LARGE1: variants seen among roughly 807,000 people sequenced by gnomAD.
LARGE1 encodes the protein xylosyl- and glucuronyltransferase LARGE1.
In LARGE1, 43 loss-of-function variants were observed where a neutral mutation model predicts 87.6. The ratio of observed to expected loss-of-function variants is 0.49; its 90% CI spans 0.38 to 0.63. The LOEUF (loss-of-function observed/expected upper bound fraction) is 0.63, where lower values mean the gene tolerates loss of function less well. Among genes scored for constraint, LARGE1 ranks in the 30% least tolerant of loss-of-function variants. The pLI is 0.00. For synonymous variants in LARGE1, 434 were observed against 394.6 expected (o/e 1.10, Z -1.18); for missense variants, 802 against 1,000.2 (o/e 0.80, Z 2.67).
At chr22:33,279,775 C>G (rs943901947) in intron 13 of LARGE1, among the ~76,000 whole-genome samples, 1 of 152,216 alleles carries the variant, frequency 6.6e-6, no homozygotes, top group African/African-American at 2.4e-5. Context: ...GAAGCAGTTG[C>G]TTTTCCATTT....
chr22:33,875,978 T>C (rs1002694005), intron 1 of LARGE1, among the ~76,000 whole-genome samples: 5 of 152,176 alleles, frequency 3.3e-5, no homozygotes, highest in Non-Finnish European at 7.3e-5. Context: ...CACTCCCAGA[T>C]AGGATTCAGT....
At chr22:33,816,406 G>C (rs937972717) in intron 1 of LARGE1, among the ~76,000 whole-genome samples, 4 of 152,306 alleles carry the variant, frequency 2.6e-5, no homozygotes, top group African/African-American at 9.6e-5. Context: ...TCTGGTGAGA[G>C]TCTGCTTTCT....
At chr22:33,360,461 C>T (rs1487150225) in intron 9 of LARGE1, among the ~76,000 whole-genome samples, 1 of 149,570 alleles carries the variant, frequency 6.7e-6, no homozygotes, top group African/African-American at 2.5e-5. Context: ...AGGGGCATGG[C>T]AGAAACTTAC....
intron 1 of LARGE1, among the ~76,000 whole-genome samples, chr22:33,857,142 C>T (rs1319380462): frequency 1.3e-5 from 2 of 152,188 alleles, no homozygotes; most frequent in Non-Finnish European, 2.9e-5. Context: ...GTCTCGAACT[C>T]CTGGCCTTGA....
chr22:33,068,953 A>C, the LARGE1 span, among the ~76,000 whole-genome samples: 1 of 152,202 alleles, frequency 6.6e-6, no homozygotes, highest in African/African-American at 2.4e-5. Flanking sequence ...GGAACCCAGG[A>C]AACTAGAAAC....
chr22:33,768,725 G>C (rs1393191945), intron 1 of LARGE1, among the ~76,000 whole-genome samples: 1 of 152,074 alleles, frequency 6.6e-6, no homozygotes, highest in African/African-American at 2.4e-5. Flanking sequence ...GGTCTTCCAG[G>C]GTTAGTTTTA....
chr22:33,255,358 A>G (rs1332934999), intron 11 of LARGE1, among the ~76,000 whole-genome samples: 1 of 152,190 alleles, frequency 6.6e-6, no homozygotes, highest in Non-Finnish European at 1.5e-5. Flanking sequence ...AATGCAGACT[A>G]AAACAGCAGG....
chr22:33,824,182 T>C (rs1443287722), intron 1 of LARGE1, among the ~76,000 whole-genome samples: 1 of 152,160 alleles, frequency 6.6e-6, no homozygotes, highest in Non-Finnish European at 1.5e-5. Flanking sequence ...CCCAAGTCCA[T>C]GATTTACTAT....
chr22:33,181,727 A>T lies in LARGE1; in HGVS notation c.1731-14895T>A, dbSNP rs11703969. Among the ~76,000 whole-genome samples, 3 of 149,226 alleles carry T rather than the reference A, an allele frequency of 2.0e-5. No homozygotes were observed. In the South Asian group the frequency reaches 6.3e-4, roughly 31 times the overall value. On this transcript the variant is annotated intron_variant, in intron 11 of 11. Coordinates refer to the LARGE1 transcript ENST00000608642. ...GTATTTTTAGTAGAGATGGAGTTTC[A>T]CCGTGTTGGCCAGGATGGTCTGGAT...
chr22:33,275,392 A>G (rs1929038571), intron 14 of LARGE1, among the ~76,000 whole-genome samples: 1 of 152,206 alleles, frequency 6.6e-6, no homozygotes, highest in East Asian at 1.9e-4. Context: ...AGCTTTTGTT[A>G]TCTAGTTTCC....
intron 11 of LARGE1, among the ~76,000 whole-genome samples, chr22:33,180,975 G>C (rs1351795079): frequency 2.6e-5 from 4 of 152,146 alleles, no homozygotes; most frequent in Non-Finnish European, 4.4e-5. Flanking sequence ...TGTGGATGTG[G>C]TTCTAAAATT....
At chr22:33,228,393 T>G (rs1000263352) in intron 11 of LARGE1, among the ~76,000 whole-genome samples, 2 of 152,270 alleles carry the variant, frequency 1.3e-5, no homozygotes, top group African/African-American at 4.8e-5. Context: ...CCAGCACAAC[T>G]ATTCTGCTTC....
intron 11 of LARGE1, among the ~76,000 whole-genome samples, chr22:33,308,596 A>G (rs750559592): frequency 8.5e-5 from 13 of 152,296 alleles, no homozygotes; most frequent in Non-Finnish European, 1.2e-4. Flanking sequence ...ATGCGATATT[A>G]GCAAACATGA....
rs553496184 is a variant in LARGE1 at position 33,583,221 on chromosome 22, C to T, written c.616-18202G>A. Among the ~76,000 whole-genome samples the T allele has an allele frequency of 1.4e-4, 21 of 152,278 alleles. 1 individual carries two copies. Among genetic ancestry groups the T allele is most frequent in the African/African-American group, 5.1e-4 (21 of 41,558 alleles). On this transcript the variant is annotated intron_variant, in intron 5 of 14. Coordinates refer to ENST00000397394, the MANE Select transcript of LARGE1 (RefSeq NM_133642.5). ...CCCAGATCTACCTTTCTGTCACAGC[C>T]ACCATGTCAAACCCTCCCTGTCAAG...
At chr22:33,907,567 T>C (rs890017255) in intron 1 of LARGE1, among the ~76,000 whole-genome samples, 1 of 142,600 alleles carries the variant, frequency 7.0e-6, no homozygotes, top group African/African-American at 2.8e-5. Context: ...GTGAAGACAT[T>C]TCTTTTTTTT....
intron 2 of LARGE1, among the ~76,000 whole-genome samples, chr22:33,708,257 G>A (rs756908552): frequency 2.2e-4 from 33 of 152,200 alleles, no homozygotes; most frequent in Non-Finnish European, 4.3e-4. Context: ...GAGGGAGGGA[G>A]GGAGGGAAAG....
chr22:33,299,553 CAG>C (rs1227579603), intron 12 of LARGE1, among the ~76,000 whole-genome samples: 3 of 152,066 alleles, frequency 2.0e-5, no homozygotes, highest in Non-Finnish European at 2.9e-5. Flanking sequence ...CAGAAGGTGG[CAG>C]AGTTTGCAAT....
At chr22:33,560,817 CT>C (rs10710316) in intron 6 of LARGE1, among the ~76,000 whole-genome samples, 57,165 of 142,150 alleles carry the variant, frequency 0.4, 12,718 homozygotes, top group Non-Finnish European at 0.54. Context: ...GTTTATTTAA[CT>C]TTTTTTTTTT....
At chr22:33,882,348 T>C (rs1026114746) in intron 1 of LARGE1, among the ~76,000 whole-genome samples, 1 of 152,074 alleles carries the variant, frequency 6.6e-6, no homozygotes, top group African/African-American at 2.4e-5. Context: ...TTGCCTTCTA[T>C]GAAATGAAAA....
Sources: allele counts gnomAD v4.1 joint callset (sites outside exome capture counted in the v4.1 genomes callset), GRCh38; gene constraint gnomAD v4.1.1; transcripts MANE v1.5; gene names NCBI Gene and HGNC (gene_info 2026-07-23, HGNC 2026-07-21).